ANO10: variants seen among roughly 807,000 people sequenced by gnomAD.
ANO10 encodes anoctamin 10.
A neutral mutation model predicts 74.7 loss-of-function variants in ANO10; 77 were observed. The ratio of observed to expected loss-of-function variants is 1.03; its 90% CI spans 0.86 to 1.25. ANO10 has a LOEUF of 1.25. Ranked by LOEUF, ANO10 falls within the 50% of genes most tolerant of loss-of-function variation. ANO10 has a pLI of 0.00. For missense variants in ANO10, 721 were observed against 778.1 expected, an observed-to-expected ratio of 0.93 and a Z score of 0.87; for synonymous variants, 279 against 284.9, an observed-to-expected ratio of 0.98 and a Z score of 0.21.
At chr3:43,405,483 T>C (rs1416780984) in intron 12 of ANO10, among the ~76,000 whole-genome samples, 1 of 152,156 alleles carries the variant, frequency 6.6e-6, no homozygotes, top group African/African-American at 2.4e-5. Flanking sequence ...CAACTGTAGT[T>C]TTTTCCTTTT....
chr3:43,401,473 T>C (rs2092481129), intron 12 of ANO10, among the ~76,000 whole-genome samples: 1 of 152,198 alleles, frequency 6.6e-6, no homozygotes, highest in South Asian at 2.1e-4. Context: ...GTTAATGGGC[T>C]TCTACTTATG....
intron 1 of ANO10, among the ~76,000 whole-genome samples, chr3:43,632,247 C>T (rs1029962836): frequency 2.6e-5 from 4 of 152,204 alleles, no homozygotes; most frequent in Non-Finnish European, 5.9e-5. Context: ...CCCTAGGAGG[C>T]TGGCCTCTAT....
chr3:43,511,805 T>G (rs1024688088), intron 11 of ANO10, among the ~76,000 whole-genome samples: 3 of 152,186 alleles, frequency 2.0e-5, no homozygotes, highest in Admixed American at 6.5e-5. Flanking sequence ...TATTGTGAGA[T>G]GAAATCATGC....
chr3:43,664,289 C>G (rs59676696), intron 1 of ANO10, among the ~76,000 whole-genome samples: 1 of 152,250 alleles, frequency 6.6e-6, no homozygotes, highest in African/African-American at 2.4e-5. Context: ...GAAAAGATTC[C>G]CTATTTAATA....
chr3:43,497,631 A>G (rs1349649948), intron 11 of ANO10, among the ~76,000 whole-genome samples: 4 of 152,114 alleles, frequency 2.6e-5, no homozygotes, highest in African/African-American at 7.2e-5. Flanking sequence ...CATCCTGAGG[A>G]GCCTAAGTCC....
At chr3:43,458,832 G>A (rs534326766) in intron 11 of ANO10, among the ~76,000 whole-genome samples, 9 of 152,066 alleles carry the variant, frequency 5.9e-5, no homozygotes, top group Non-Finnish European at 1.3e-4. Flanking sequence ...GGACAGGCCC[G>A]GGTGTGTGAT....
chr3:43,389,434 G>C lies in ANO10; in HGVS notation c.1915-22460C>G, dbSNP rs568168327. Among the ~76,000 whole-genome samples, 3 of 152,342 alleles carry C rather than the reference G, an allele frequency of 2.0e-5. No individual in the cohort carries two copies. In the South Asian group the frequency reaches 6.2e-4, roughly 32 times the overall value. On this transcript the variant is annotated intron_variant, in intron 12 of 12. Coordinates refer to ENST00000292246, the MANE Select transcript of ANO10 (RefSeq NM_018075.5). ...TTTAGGAGCTCATGGTCAGCTTTCA[G>C]TGGGTGATTCTGTGTTACCTAGCAA...
intron 12 of ANO10, among the ~76,000 whole-genome samples, chr3:43,412,179 G>A (rs1400710798): frequency 2.0e-5 from 3 of 151,870 alleles, no homozygotes; most frequent in Non-Finnish European, 2.9e-5. Context: ...AAACAGCCAG[G>A]TCTTCAACCA....
In ANO10 at chr3:43,582,578, G is replaced by C. The variant is rs151066414; in HGVS notation, c.473-2106C>G. On this transcript the variant is annotated intron_variant, in intron 4 of 12. Coordinates refer to ENST00000292246, the MANE Select transcript of ANO10 (RefSeq NM_018075.5). ...AACCCAACTTCTTAGACATGAAAAA[G>C]AAAAAGATAATCAAGAGATATCTGG... Among the ~76,000 whole-genome samples, 5 of 152,040 alleles carry C rather than the reference G, an allele frequency of 3.3e-5. No individual in the cohort carries two copies. The East Asian group carries it at 9.7e-4, about 29-fold the overall frequency.
chr3:43,446,968 G>C (rs1057252733), intron 11 of ANO10, among the ~76,000 whole-genome samples: 5 of 152,006 alleles, frequency 3.3e-5, no homozygotes, highest in African/African-American at 1.2e-4. Flanking sequence ...TGTACAATCA[G>C]AATATATTAA....
chr3:43,595,904 T>C (rs1196201636), intron 4 of ANO10, among the ~76,000 whole-genome samples: 5 of 152,194 alleles, frequency 3.3e-5, no homozygotes, highest in Non-Finnish European at 7.3e-5. Context: ...GATAAGCAAC[T>C]TCAGCAAAGT....
chr3:43,685,072 AAAGTAT>A (rs1470902011), intron 1 of ANO10, among the ~76,000 whole-genome samples: 1 of 152,248 alleles, frequency 6.6e-6, no homozygotes, highest in African/African-American at 2.4e-5. Context: ...CCTAAAACTT[AAAGTAT>A]AATAAAGAGA....
intron 4 of ANO10, among the ~76,000 whole-genome samples, chr3:43,596,679 A>C (rs1208598191): frequency 1.3e-5 from 2 of 152,188 alleles, no homozygotes; most frequent in Non-Finnish European, 2.9e-5. Context: ...AACCTAGGCA[A>C]TACCATTCAG....
At chr3:43,553,815 G>A (rs559434844) in intron 10 of ANO10, among the ~76,000 whole-genome samples, 5 of 152,236 alleles carry the variant, frequency 3.3e-5, no homozygotes, top group South Asian at 2.1e-4. Context: ...GATTACAGGC[G>A]TGAGCCACAG....
chr3:43,454,877 AG>A (rs1459026359), intron 11 of ANO10, among the ~76,000 whole-genome samples: 1 of 152,184 alleles, frequency 6.6e-6, no homozygotes, highest in Non-Finnish European at 1.5e-5. Context: ...ATGTAAGGCC[AG>A]GGTAGAAGAA....
intron 1 of ANO10, among the ~76,000 whole-genome samples, chr3:43,639,950 C>T (rs1235851685): frequency 2.0e-5 from 3 of 152,174 alleles, no homozygotes; most frequent in African/African-American, 7.2e-5. Flanking sequence ...GCTGAACTCA[C>T]TGGAGTGTCG....
chr3:43,684,626 G>A (rs1311079583), intron 1 of ANO10, among the ~76,000 whole-genome samples: 2 of 152,120 alleles, frequency 1.3e-5, no homozygotes, highest in Admixed American at 6.5e-5. Flanking sequence ...AAAGACACAT[G>A]CACACGTATG....
chr3:43,530,430 ATAT>A (rs1409825309), intron 11 of ANO10, among the ~76,000 whole-genome samples: 2 of 148,954 alleles, frequency 1.3e-5, no homozygotes, highest in Non-Finnish European at 3.0e-5. Flanking sequence ...TATAGCCTAT[ATAT>A]TATATATATT....
intron 4 of ANO10, among the ~76,000 whole-genome samples, chr3:43,589,784 A>G (rs541956763): frequency 2.7e-3 from 415 of 152,360 alleles, no homozygotes; most frequent in South Asian, 8.1e-3. Flanking sequence ...ATGTTCATCA[A>G]TATGAAGACA....
Sources: gnomAD v4.1 joint callset for allele counts (sites outside exome capture counted in the v4.1 genomes callset) on GRCh38, gnomAD v4.1.1 for gene constraint, MANE v1.5 for transcripts, NCBI Gene and HGNC (gene_info 2026-07-23, HGNC 2026-07-21) for gene names.